Variants in CAMTA1 observed in about 807,000 individuals in gnomAD.
CAMTA1 encodes the protein calmodulin-binding transcription activator 1.
In CAMTA1, 27 loss-of-function variants were observed where a neutral mutation model predicts 170.9. The ratio of observed to expected loss-of-function variants is 0.16; its 90% CI spans 0.12 to 0.22. CAMTA1 has a LOEUF of 0.22. Among genes scored for constraint, CAMTA1 ranks in the 10% least tolerant of loss-of-function variants. The probability of loss-of-function intolerance (pLI) is 1.00; values close to 1 mark genes in which losing one functional copy is unlikely to be tolerated. For synonymous variants in CAMTA1, 833 were observed against 891.5 expected, an observed-to-expected ratio of 0.93 and a Z score of 1.17; for missense variants, 1,619 against 2,217.2, an observed-to-expected ratio of 0.73 and a Z score of 5.42.
chr1:7,013,073 A>G (rs1339705838), intron 3 of CAMTA1, among the ~76,000 whole-genome samples: 1 of 152,002 alleles, frequency 6.6e-6, no homozygotes, highest in Non-Finnish European at 1.5e-5. Context: ...CAGACCTTCA[A>G]CAAACCCTGT....
rs6685979 is a variant in CAMTA1, at chr1:7,007,851, A to G, written c.235-83453A>G. Among the ~76,000 whole-genome samples, 75,122 of 152,052 alleles carry G rather than the reference A, an allele frequency of 0.49. 20,778 individuals carry two copies. Among genetic ancestry groups the G allele is most frequent in the African/African-American group, 0.77 (31,748 of 41,480 alleles). On this transcript the variant is annotated intron_variant, in intron 3 of 22. Transcript: ENST00000303635. This position sits in a 1 kb window ranked among gnomAD's most constrained non-coding sequence, Gnocchi z 4.5. ...CCTCTCCAGAGGCCCGGCACACAGT[A>G]GGCACTCAATGGTTGTAAACTGTAT...
At chr1:6,816,168 C>T (rs1370530654) in intron 1 of CAMTA1, among the ~76,000 whole-genome samples, 2 of 152,216 alleles carry the variant, frequency 1.3e-5, no homozygotes, top group African/African-American at 4.8e-5. Context: ...CAGGTTTCTT[C>T]ATGCTCTAAT....
At chr1:6,984,625 A>G (rs977454956) in intron 3 of CAMTA1, among the ~76,000 whole-genome samples, 1 of 134,772 alleles carries the variant, frequency 7.4e-6, no homozygotes, top group African/African-American at 2.7e-5. Context: ...AAAAGAAAAT[A>G]CTCACAAAAA....
At chr1:7,625,346 T>C (rs889997370) in intron 6 of CAMTA1, among the ~76,000 whole-genome samples, 2 of 152,220 alleles carry the variant, frequency 1.3e-5, no homozygotes, top group Non-Finnish European at 2.9e-5. Context: ...CTGCTGGCAT[T>C]AGCAGCGCCT....
chr1:6,823,657 T>C (rs1208291296), intron 2 of CAMTA1, among the ~76,000 whole-genome samples: 1 of 152,162 alleles, frequency 6.6e-6, no homozygotes, highest in Non-Finnish European at 1.5e-5. Flanking sequence ...TAAGATCTTT[T>C]CCTTGAGAAG....
intron 2 of CAMTA1, among the ~76,000 whole-genome samples, chr1:6,823,829 T>G (rs749033594): frequency 2.0e-5 from 3 of 152,198 alleles, no homozygotes; most frequent in Non-Finnish European, 4.4e-5. Flanking sequence ...ACTTTTAAGA[T>G]TATTAACCAA....
At chr1:7,548,918 C>G (rs1457565797) in intron 6 of CAMTA1, among the ~76,000 whole-genome samples, 1 of 134,344 alleles carries the variant, frequency 7.4e-6, no homozygotes, top group Non-Finnish European at 1.6e-5. Flanking sequence ...CAGGGTGCCC[C>G]TTAGGAGTGG....
intron 6 of CAMTA1, among the ~76,000 whole-genome samples, chr1:7,622,206 A>G (rs2095603710): frequency 6.6e-6 from 1 of 152,154 alleles, no homozygotes; most frequent in South Asian, 2.1e-4. Context: ...CACTTCCCTT[A>G]ATCCTCTCAA....
intron 5 of CAMTA1, among the ~76,000 whole-genome samples, chr1:7,457,436 G>T (rs1175295385): frequency 3.3e-5 from 5 of 152,050 alleles, no homozygotes; most frequent in Non-Finnish European, 7.4e-5. Flanking sequence ...GGAGGTGGGT[G>T]GGGGCAGAGG....
In CAMTA1 at chr1:6,939,146, G is replaced by A. The variant is rs190349859; in HGVS notation, c.234+113936G>A. Reference sequence around the variant, plus strand: ...GAGACCCTAGGGCCTTTGGGATTTGGGTTCGTAACCAGAGGAGCAGGCGTG... The same window carrying A: ...GAGACCCTAGGGCCTTTGGGATTTGAGTTCGTAACCAGAGGAGCAGGCGTG... On this transcript the variant is annotated intron_variant, in intron 3 of 22. Transcript: ENST00000303635. Among the ~76,000 whole-genome samples the A allele has an allele frequency of 3.9e-3, 592 of 152,292 alleles. 6 individuals are homozygous for A. Among genetic ancestry groups the A allele is most frequent in the African/African-American group, 0.013 (560 of 41,562 alleles).
chr1:7,568,585 A>C (rs1018148026), intron 6 of CAMTA1, among the ~76,000 whole-genome samples: 3 of 147,420 alleles, frequency 2.0e-5, no homozygotes, highest in Non-Finnish European at 4.5e-5. Flanking sequence ...CATCATCAAC[A>C]TCACCATCAT....
At chr1:7,512,649 T>A (rs2094217988) in intron 6 of CAMTA1, among the ~76,000 whole-genome samples, 2 of 152,198 alleles carry the variant, frequency 1.3e-5, no homozygotes, top group African/African-American at 4.8e-5. Context: ...AGGGAAGTCA[T>A]ATCCACTCCT....
rs1417920591 is a variant in CAMTA1 at position 7,585,249 on chromosome 1, G to A, written c.511-55151G>A. ...TTAAGATAGTGATAAATGCAGTAAC[G>A]ACAGCCAGGCAGAGTAAAGGAAGGG... On this transcript the variant is annotated intron_variant, in intron 6 of 22. Transcript: ENST00000303635. This position sits in a 1 kb window ranked among gnomAD's most constrained non-coding sequence, Gnocchi z 4.8. 2.0e-5 allele frequency among the ~76,000 whole-genome samples: 3 copies of A among 152,120 alleles called. No individual in the cohort carries two copies. Among genetic ancestry groups the A allele is most frequent in the South Asian group, 2.1e-4 (1 of 4,824 alleles).
chr1:7,128,748 G>C (rs1458029742), intron 4 of CAMTA1, among the ~76,000 whole-genome samples: 6 of 150,822 alleles, frequency 4.0e-5, no homozygotes, highest in Non-Finnish European at 7.4e-5. Context: ...TCTGCCTCCT[G>C]GGTTCAAGTG....
In CAMTA1 at chr1:7,243,525, A is replaced by T. The variant is rs1158149273; in HGVS notation, c.303-5966A>T. Among the ~76,000 whole-genome samples the T allele has an allele frequency of 2.6e-5, 4 of 152,342 alleles. 1 individual carries two copies. In the Middle Eastern group the frequency reaches 0.014, roughly 518 times the overall value. On this transcript the variant is annotated intron_variant, in intron 4 of 22. Coordinates refer to ENST00000303635, the MANE Select transcript of CAMTA1 (RefSeq NM_015215.4). ...ATTGTTTCTGTCAGGTTTGTCAAAG[A>T]TCAGATAGTTGTAGATACGCAGCAT...
intron 6 of CAMTA1, among the ~76,000 whole-genome samples, chr1:7,490,967 C>T (rs1324593535): frequency 6.6e-6 from 1 of 152,224 alleles, no homozygotes; most frequent in African/African-American, 2.4e-5. Context: ...GTCTCTTCCC[C>T]ACTCCAGCTC....
chr1:7,665,210 GC>G lies in CAMTA1; in HGVS notation c.2652+13del, dbSNP rs1409154344. ...TGGTCTTACCCAGAGGTAAGCTGCCGCCGCTGCCACCACCTGTCACCTCCCC... is the reference window on the plus strand; with the variant it reads ...TGGTCTTACCCAGAGGTAAGCTGCCGCGCTGCCACCACCTGTCACCTCCCC... On this transcript the variant is annotated intron_variant, in intron 9 of 22. Transcript: ENST00000303635. This position sits in a 1 kb window ranked among gnomAD's most constrained non-coding sequence, Gnocchi z 4.3. 7.0e-7 allele frequency: 1 copy of G among 1,428,738 alleles called. No individual in the cohort carries two copies. Among genetic ancestry groups the G allele is most frequent in the African/African-American group, 1.4e-5 (1 of 69,718 alleles). The allele number at this position is 1,428,738 out of a possible 1,614,324, so 88.5% of individuals were successfully genotyped here.
Position 7,461,135 on chromosome 1 carries a change from A to G in CAMTA1, c.439-6695A>G, listed in dbSNP as rs558674256. Among the ~76,000 whole-genome samples, 243 of 152,214 alleles carry G rather than the reference A, an allele frequency of 1.6e-3. 3 individuals carry two copies. The Middle Eastern group carries it at 0.02, about 13-fold the overall frequency. On this transcript the variant is annotated intron_variant, in intron 5 of 22. Transcript: ENST00000303635. ...GAGAAGGTTTTAGGGAAGAGAGGGG[A>G]GGGGAGCTCAGGAATGAGCTTTGCC...
chr1:6,985,093 A>C (rs900100233), intron 3 of CAMTA1, among the ~76,000 whole-genome samples: 2 of 152,164 alleles, frequency 1.3e-5, no homozygotes, highest in African/African-American at 4.8e-5. Context: ...GGAAGCCCAC[A>C]CCGATTACAA....
Sources: allele counts gnomAD v4.1 joint callset (sites outside exome capture counted in the v4.1 genomes callset), GRCh38; gene constraint gnomAD v4.1.1; non-coding constraint Gnocchi (gnomAD v3.1); transcripts MANE v1.5; gene names NCBI Gene and HGNC (gene_info 2026-07-23, HGNC 2026-07-21).